The following ELOVL7 variants were observed in gnomAD, a reference collection of about 807,000 sequenced individuals.
The protein encoded by ELOVL7 is very long chain fatty acid elongase 7.
ELOVL7 carries 27 observed loss-of-function variants against 35.7 expected under a neutral mutation model. That is an observed-to-expected ratio of 0.76 (90% CI 0.56 to 1.04). The LOEUF (loss-of-function observed/expected upper bound fraction) is 1.04. ELOVL7 is among the 50% of genes least tolerant of loss of function. The probability of loss-of-function intolerance (pLI) is 0.00; values close to 1 mark genes in which losing one functional copy is unlikely to be tolerated. For synonymous variants in ELOVL7, 113 were observed against 114.6 expected (o/e 0.99, Z 0.09); for missense variants, 327 against 340.8 (o/e 0.96, Z 0.32).
At chr5:60,768,688 T>C (rs970716612) in intron 4 of ELOVL7, 1 of 456,138 alleles carries the variant, frequency 2.2e-6, no homozygotes, top group Non-Finnish European at 4.4e-6. Context: ...TTTAAAACAG[T>C]ATCTGAAAAG....
chr5:60,757,837 T>A (rs1410193046), intron 7 of ELOVL7, among the ~76,000 whole-genome samples, 192 bp from the exon 8 acceptor site: 1 of 152,202 alleles, frequency 6.6e-6, no homozygotes, highest in African/African-American at 2.4e-5. Context: ...GATATGAACC[T>A]GAGAAAGTAA....
At chr5:60,766,670 G>A in intron 5 of ELOVL7, 40 bp from the exon 6 acceptor site, 1 of 1,562,122 alleles carries the variant, frequency 6.4e-7, no homozygotes, top group Non-Finnish European at 8.7e-7. Flanking sequence ...TTTTGTATAT[G>A]GAAGAAAAGC....
intron 4 of ELOVL7, among the ~76,000 whole-genome samples, chr5:60,769,558 T>C (rs1489927073): frequency 1.3e-5 from 2 of 152,192 alleles, no homozygotes; most frequent in Non-Finnish European, 2.9e-5. Flanking sequence ...CCTAACATCA[T>C]TGGTAGAGGT....
chr5:60,837,131 CAAGTA>C (rs1746842505), intron 1 of ELOVL7, among the ~76,000 whole-genome samples: 1 of 151,620 alleles, frequency 6.6e-6, no homozygotes, highest in Admixed American at 6.6e-5. Context: ...TTAGAAAATA[CAAGTA>C]AAGAGACTCA....
rs750608644 is a variant in ELOVL7 at position 60,803,880 on chromosome 5, C to T, written c.-85-4650G>A. 1.3e-3 allele frequency among the ~76,000 whole-genome samples: 199 copies of T among 152,268 alleles called. 1 individual carries two copies. Among genetic ancestry groups the T allele is most frequent in the Non-Finnish European group, 2.3e-3 (158 of 68,020 alleles). ...AAACAAGTATTTTTACCATCCTTTC[C>T]ACTCCCTACTACTCCATTATTTCAT... is the stretch of plus-strand genomic sequence containing the variant. On this transcript the variant is annotated intron_variant, in intron 1 of 8. Transcript: ENST00000508821.
intron 1 of ELOVL7, among the ~76,000 whole-genome samples, chr5:60,830,440 G>A (rs1341971582): frequency 6.6e-6 from 1 of 152,118 alleles, no homozygotes; most frequent in Non-Finnish European, 1.5e-5. Flanking sequence ...TGTGGCAGCT[G>A]AGTGGTCCTG....
At chr5:60,782,265 A>C (rs1277788376) in intron 3 of ELOVL7, among the ~76,000 whole-genome samples, 1 of 152,230 alleles carries the variant, frequency 6.6e-6, no homozygotes, top group Non-Finnish European at 1.5e-5. Flanking sequence ...GTTGGCAAGG[A>C]TGTGGAGAAA....
chr5:60,841,443 T>G (rs7717909), intron 1 of ELOVL7, among the ~76,000 whole-genome samples: 2 of 152,142 alleles, frequency 1.3e-5, no homozygotes, highest in Non-Finnish European at 2.9e-5. Flanking sequence ...TCAGTGGGTC[T>G]GAACTCTCTT....
chr5:60,801,577 C>A (rs1216290349), intron 1 of ELOVL7, among the ~76,000 whole-genome samples: 2 of 151,926 alleles, frequency 1.3e-5, no homozygotes, highest in Non-Finnish European at 2.9e-5. Flanking sequence ...GTGGCGCACA[C>A]CTGTGGATTC....
chr5:60,802,895 A>G (rs1050878033), intron 1 of ELOVL7, among the ~76,000 whole-genome samples: 18 of 152,238 alleles, frequency 1.2e-4, no homozygotes, highest in African/African-American at 4.1e-4. Context: ...GTGTTTTCTC[A>G]TAGTATAAGA....
chr5:60,754,933 TA>T, intron 8 of ELOVL7, 100 bp from the exon 9 acceptor site: 4 of 935,916 alleles, frequency 4.3e-6, no homozygotes, highest in Non-Finnish European at 6.5e-6. Context: ...GGGAGTGCAC[TA>T]TTGGGCAAAG....
rs546971679 is a variant in ELOVL7 at position 60,791,540 on chromosome 5, T to A, written c.-34-4109A>T. 1.2e-3 allele frequency among the ~76,000 whole-genome samples: 183 copies of A among 152,328 alleles called. 1 individual carries two copies. The highest frequency in any genetic ancestry group is 5.7e-4 in the Non-Finnish European group (39 of 68,028). On this transcript the variant is annotated intron_variant, in intron 2 of 8. Transcript: ENST00000508821. ...CCCCTAAATCTAAAATATATTTTTT[T>A]AAGTTGTGCCAATTTAGTAGGAAAA... is the stretch of plus-strand genomic sequence containing the variant.
intron 7 of ELOVL7, among the ~76,000 whole-genome samples, chr5:60,758,634 C>A (rs574578794): frequency 6.6e-6 from 1 of 152,248 alleles, no homozygotes; most frequent in South Asian, 2.1e-4. Flanking sequence ...AGAATAGAAG[C>A]AAAGAACACG....
chr5:60,777,157 T>A (rs1742957539), intron 3 of ELOVL7, among the ~76,000 whole-genome samples: 1 of 151,952 alleles, frequency 6.6e-6, no homozygotes, highest in Non-Finnish European at 1.5e-5. Flanking sequence ...GAAAATAGAA[T>A]GAATAAGACC....
At chr5:60,823,686 T>C (rs551977789) in intron 1 of ELOVL7, among the ~76,000 whole-genome samples, 1 of 152,286 alleles carries the variant, frequency 6.6e-6, no homozygotes, top group East Asian at 1.9e-4. Flanking sequence ...TTCAGGGAAA[T>C]GGAAACTGAA....
intron 1 of ELOVL7, among the ~76,000 whole-genome samples, chr5:60,834,790 T>C (rs550949198): frequency 6.6e-6 from 1 of 150,548 alleles, no homozygotes; most frequent in South Asian, 2.1e-4. Flanking sequence ...GGTTAGTTGA[T>C]TTTTAAAAAT....
chr5:60,835,958 A>G lies in ELOVL7; in HGVS notation c.-86+8202T>C, dbSNP rs547673675. ...CAGTTGGAGAAGGAAGAAGACTACTAGAAGCCACTGTTCATCATGCCTGGG... is the reference window on the plus strand; with the variant it reads ...CAGTTGGAGAAGGAAGAAGACTACTGGAAGCCACTGTTCATCATGCCTGGG... On this transcript the variant is annotated intron_variant, in intron 1 of 8. Coordinates refer to ENST00000508821, the MANE Select transcript of ELOVL7 (RefSeq NM_024930.3). Among the ~76,000 whole-genome samples the G allele has an allele frequency of 8.0e-4, 122 of 152,190 alleles. 1 individual carries two copies. The highest frequency in any genetic ancestry group is 2.8e-3 in the African/African-American group (118 of 41,424).
chr5:60,841,075 G>C (rs182724486), intron 1 of ELOVL7, among the ~76,000 whole-genome samples: 1 of 147,538 alleles, frequency 6.8e-6, no homozygotes, highest in Non-Finnish European at 1.5e-5. Context: ...GCCCAGGCTG[G>C]AGTGCAGTGG....
At chr5:60,761,708 G>T (rs949529833) in intron 7 of ELOVL7, among the ~76,000 whole-genome samples, 1 of 151,950 alleles carries the variant, frequency 6.6e-6, no homozygotes, top group Non-Finnish European at 1.5e-5. Context: ...CAGAATTGGG[G>T]GTATGCTGTT....
Sources: gnomAD v4.1 joint callset for allele counts (sites outside exome capture counted in the v4.1 genomes callset) on GRCh38, gnomAD v4.1.1 for gene constraint, MANE v1.5 for transcripts, NCBI Gene and HGNC (gene_info 2026-07-23, HGNC 2026-07-21) for gene names.